The following RAE1 variants were observed in gnomAD, a reference collection of about 807,000 sequenced individuals.
The protein encoded by RAE1 is mRNA export factor RAE1.
RAE1 carries 13 observed loss-of-function variants against 52.7 expected under a neutral mutation model. The observed-to-expected ratio is 0.25, with a 90% confidence interval of 0.16 to 0.39. The LOEUF (loss-of-function observed/expected upper bound fraction) is 0.39, where lower values mean the gene tolerates loss of function less well. Ranked by LOEUF, RAE1 falls within the 10% of genes least tolerant of loss-of-function variation. The pLI is 1.00. For missense variants in RAE1, 262 were observed against 459.8 expected (o/e 0.57, Z 3.93); for synonymous variants, 164 against 153.1 (o/e 1.07, Z -0.52).
chr20:57,367,658 T>G (rs189438952), intron 7 of RAE1, among the ~76,000 whole-genome samples: 1 of 150,486 alleles, frequency 6.6e-6, no homozygotes. Flanking sequence ...GAGAATTGCT[T>G]GAACCCAGCA....
intron 1 of RAE1, chr20:57,351,798 A>G (rs376518878): frequency 2.0e-6 from 2 of 985,250 alleles, no homozygotes; most frequent in African/African-American, 1.7e-5. Flanking sequence ...TTCCACGTCA[A>G]CCTGCTCCAT....
chr20:57,353,902 C>T (rs2066746857), intron 1 of RAE1, 130 bp from the exon 2 acceptor site: 2 of 740,132 alleles, frequency 2.7e-6, no homozygotes, highest in South Asian at 3.7e-5. Context: ...TCATTGCGCT[C>T]TTGTCTGAAA....
At chr20:57,368,532 A>G (rs932194141) in intron 7 of RAE1, among the ~76,000 whole-genome samples, 173 bp from the exon 8 acceptor site, 7 of 152,246 alleles carry the variant, frequency 4.6e-5, no homozygotes, top group Non-Finnish European at 8.8e-5. Flanking sequence ...ACTTTTTAAA[A>G]TATATGAATG....
chr20:57,358,901 C>T (rs6099578), intron 4 of RAE1: 34,728 of 1,293,410 alleles, frequency 0.027, 664 homozygotes, highest in African/African-American at 0.089. Context: ...GGCCTGTAGG[C>T]TTGTTGGAGT....
In RAE1 at chr20:57,379,059, C is replaced by G. The variant is rs1568798514; in HGVS notation, c.*960C>G. On this transcript the variant is annotated 3_prime_UTR_variant, in exon 12 of 12. Transcript: ENST00000395841. ...TGTCACTGTATTTCTCACCTGTGATCTCAAATGCTTCTTAGGCCTTTCTGT... is the reference window on the plus strand; with the variant it reads ...TGTCACTGTATTTCTCACCTGTGATGTCAAATGCTTCTTAGGCCTTTCTGT... 1 of 152,204 alleles carries G rather than the reference C, an allele frequency of 6.6e-6. No homozygotes were observed. The highest frequency in any genetic ancestry group is 2.4e-5 in the African/African-American group (1 of 41,440). 9.4% of individuals were successfully genotyped at this position (152,204 alleles called of 1,614,324 possible).
At chr20:57,352,038 A>G (rs1387185686) in intron 1 of RAE1, 1 of 933,076 alleles carries the variant, frequency 1.1e-6, no homozygotes, top group Non-Finnish European at 1.3e-6. Flanking sequence ...TCTGGGGGGG[A>G]AGAGATTTTG....
At chr20:57,363,329 G>A (rs1330222563) in intron 4 of RAE1, among the ~76,000 whole-genome samples, 1 of 152,084 alleles carries the variant, frequency 6.6e-6, no homozygotes, top group Non-Finnish European at 1.5e-5. Flanking sequence ...CCTGGGCAAC[G>A]TAAGGAGACC....
intron 3 of RAE1, among the ~76,000 whole-genome samples, chr20:57,355,253 C>T (rs1174462065): frequency 1.3e-5 from 2 of 151,650 alleles, no homozygotes; most frequent in African/African-American, 4.9e-5. Context: ...AAAAAAATTA[C>T]AGTTTACTAA....
Position 57,354,018 on chromosome 20 carries a change from T to A in RAE1, c.-7-14T>A. 6.2e-7 allele frequency: 1 copy of A among 1,606,006 alleles called. No individual in the cohort carries two copies. Among genetic ancestry groups the A allele is most frequent in the Non-Finnish European group, 8.5e-7 (1 of 1,173,948 alleles). ...AGAGAAAACCCATCCTTAACATTTT[T>A]CATTACTTTTTAGGTTCAAAATGAG... On this transcript the variant is annotated splice_polypyrimidine_tract_variant and intron_variant, in intron 1 of 11. Transcript: ENST00000395841.
chr20:57,368,636 A>G, intron 7 of RAE1, 69 bp from the exon 8 acceptor site: 1 of 1,082,844 alleles, frequency 9.2e-7, no homozygotes, highest in Non-Finnish European at 1.4e-6. Context: ...AAAATTGATC[A>G]AATACATTAG....
intron 1 of RAE1, among the ~76,000 whole-genome samples, chr20:57,353,543 T>C (rs2066741564): frequency 6.6e-6 from 1 of 152,238 alleles, no homozygotes; most frequent in Non-Finnish European, 1.5e-5. Context: ...TTCTAGGTAG[T>C]TTCATGCGGA....
rs1230469950 is a variant in RAE1, at chr20:57,354,114, C to T, written c.76C>T (p.His26Tyr). 1 of 1,613,916 alleles carries T rather than the reference C, an allele frequency of 6.2e-7. No individual in the cohort carries two copies. Among genetic ancestry groups the T allele is most frequent in the African/African-American group, 1.3e-5 (1 of 75,060 alleles). ...GTTTGGCAGTGCAACTACAGACAAT[C>T]ACAATCCCATGAAGGTACCACGAAA... Reference protein sequence around the residue: ...SMFGSATTDNHNPMKDIEVTS... With the variant: ...SMFGSATTDNYNPMKDIEVTS... Residue 26 changes from histidine (H) to tyrosine (Y), a missense_variant, in exon 2 of 12, where the codon CAC becomes TAC. By Grantham distance (83) the His-to-Tyr change is moderately conservative. Coordinates refer to ENST00000395841, the MANE Select transcript of RAE1 (RefSeq NM_003610.4).
In RAE1 at chr20:57,365,404, TG is replaced by T; in HGVS notation, c.340del (p.Asp114ThrfsTer31). The T allele has an allele frequency of 6.2e-7, 1 of 1,611,094 alleles. No individual in the cohort carries two copies. On this transcript the variant is annotated frameshift_variant, in exon 5 of 12. Transcript: ENST00000395841. LOFTEE classifies it high-confidence loss of function. ...TASCDKTAKMWDLSSNQAIQI... is the reference protein window; with the variant it reads ...TASCDKTAKMXDLSSNQAIQI... The stretch of plus-strand genomic sequence containing the variant: ...ATCGTGTGATAAAACTGCCAAAATG[TG>T]GGACCTCAGCAGTAACCAAGCGATA...
rs112307590 is a variant in RAE1, at chr20:57,351,337, C to T, written c.-93C>T. ...GGGATTTCTGTCCGCGCTCCTGGCC[C>T]TCGTCCTTCGCGCCAGAGCAGGTTC... On this transcript the variant is annotated 5_prime_UTR_variant, in exon 1 of 12. Transcript: ENST00000395841. 1.0e-6 allele frequency: 1 copy of T among 985,458 alleles called. No individual in the cohort carries two copies. The highest frequency in any genetic ancestry group is 1.2e-6 in the Non-Finnish European group (1 of 829,954). The allele number at this position is 985,458 out of a possible 1,614,324, so 61.0% of individuals were successfully genotyped here.
rs770747749 is a variant in RAE1 at position 57,354,729 on chromosome 20, A to G, written c.108A>G (p.Ser36=). ...TCCCGCAGGATATTGAAGTAACATC[A>G]TCTCCTGATGATAGCATTGGTTGTC... ...HNPMKDIEVT[S]SPDDSIGCLS... Residue 36 remains serine, a synonymous_variant, in exon 3 of 12, where the codon TCA becomes TCG. Transcript: ENST00000395841. The G allele has an allele frequency of 9.4e-6, 15 of 1,587,932 alleles. No homozygotes were observed. In the South Asian group the frequency reaches 1.7e-4, roughly 18 times the overall value.
At chr20:57,356,819 G>T (rs2066795121) in intron 4 of RAE1, among the ~76,000 whole-genome samples, 1 of 152,228 alleles carries the variant, frequency 6.6e-6, no homozygotes. Flanking sequence ...TGAAACACCG[G>T]TGCCAAGCTG....
intron 5 of RAE1, among the ~76,000 whole-genome samples, chr20:57,365,946 A>G (rs1003840924): frequency 3.3e-5 from 5 of 152,226 alleles, no homozygotes; most frequent in Non-Finnish European, 5.9e-5. Context: ...GGCAGAAGTA[A>G]TGAAGATAAG....
intron 5 of RAE1, 37 bp downstream of exon 5, chr20:57,365,479 G>T (rs371268318): frequency 4.8e-6 from 7 of 1,445,028 alleles, no homozygotes; most frequent in Non-Finnish European, 5.7e-6. Flanking sequence ...AGGCACAACT[G>T]GTACCCAGGA....
rs1332854796 is a variant in RAE1 at position 57,379,017 on chromosome 20, AGT to A, written c.*922_*923del. ...ATGAAATTCAGCTGGGCTGAGAAAA[AGT>A]GTGACTTTTGGGTCTGTCACTGTAT... On this transcript the variant is annotated 3_prime_UTR_variant, in exon 12 of 12. Transcript: ENST00000395841. The A allele has an allele frequency of 1.3e-5, 2 of 152,208 alleles. No homozygotes were observed. The highest frequency in any genetic ancestry group is 2.1e-4 in the South Asian group (1 of 4,836). 9.4% of individuals were successfully genotyped at this position (152,208 alleles called of 1,614,324 possible).
Sources: allele counts gnomAD v4.1 joint callset (sites outside exome capture counted in the v4.1 genomes callset), GRCh38; gene constraint gnomAD v4.1.1; transcripts MANE v1.5; gene names NCBI Gene and HGNC (gene_info 2026-07-23, HGNC 2026-07-21).